CBFA2T2: variants seen among roughly 807,000 people sequenced by gnomAD.
The protein encoded by CBFA2T2 is CBFA2/RUNX1 partner transcriptional co-repressor 2.
In CBFA2T2, 11 loss-of-function variants were observed where a neutral mutation model predicts 62.2. That is an observed-to-expected ratio of 0.18 (90% CI 0.11 to 0.29). The LOEUF (loss-of-function observed/expected upper bound fraction) is 0.29. Ranked by LOEUF, CBFA2T2 falls within the 10% of genes least tolerant of loss-of-function variation. The pLI is 1.00. For missense variants in CBFA2T2, 592 were observed against 774.1 expected (o/e 0.76, Z 2.79); for synonymous variants, 295 against 287.5 (o/e 1.03, Z -0.27).
chr20:33,587,680 T>G (rs909972160), intron 1 of CBFA2T2, among the ~76,000 whole-genome samples: 7 of 152,242 alleles, frequency 4.6e-5, no homozygotes, highest in Non-Finnish European at 7.3e-5. Flanking sequence ...ATTACAGGCA[T>G]GAGCCACTGC....
intron 1 of CBFA2T2, among the ~76,000 whole-genome samples, chr20:33,490,841 C>T (rs1229279993): frequency 6.6e-6 from 1 of 152,210 alleles, no homozygotes; most frequent in South Asian, 2.1e-4. Context: ...TTCCCTCCCT[C>T]CCCCAGGGTT....
At chr20:33,575,881 C>T (rs1044336067) in intron 1 of CBFA2T2, among the ~76,000 whole-genome samples, 1 of 152,054 alleles carries the variant, frequency 6.6e-6, no homozygotes, top group Non-Finnish European at 1.5e-5. Context: ...GGGTTCACAC[C>T]ACTCTCCTGC....
At chr20:33,566,198 T>C (rs145520035) in intron 1 of CBFA2T2, among the ~76,000 whole-genome samples, 41 of 152,198 alleles carry the variant, frequency 2.7e-4, no homozygotes, top group African/African-American at 9.7e-4. Context: ...ACTAGAATTA[T>C]GTTGAGTTTC....
chr20:33,597,897 A>C (rs923748054), intron 1 of CBFA2T2, among the ~76,000 whole-genome samples: 1 of 152,158 alleles, frequency 6.6e-6, no homozygotes, highest in South Asian at 2.1e-4. Context: ...AGCATCGGCC[A>C]GCTTGAGAAA....
At chr20:33,537,460 A>G (rs549132150) in intron 1 of CBFA2T2, among the ~76,000 whole-genome samples, 1 of 152,324 alleles carries the variant, frequency 6.6e-6, no homozygotes, top group Non-Finnish European at 1.5e-5. Flanking sequence ...TCGGCTGGGC[A>G]TCAGAGGGAG....
At chr20:33,623,862 A>G (rs2016098924) in intron 5 of CBFA2T2, 1 of 717,124 alleles carries the variant, frequency 1.4e-6, no homozygotes, top group Non-Finnish European at 2.6e-6. Context: ...CCGGTAAGAA[A>G]CTCTACTCTA....
At chr20:33,502,840 C>T (rs2011314908) in intron 1 of CBFA2T2, among the ~76,000 whole-genome samples, 1 of 150,330 alleles carries the variant, frequency 6.7e-6, no homozygotes, top group Non-Finnish European at 1.5e-5. Flanking sequence ...CCTGTAATCC[C>T]AGCACTTTGG....
In CBFA2T2 at chr20:33,640,431, C is replaced by A. The variant is rs2016786474; in HGVS notation, c.1388C>A (p.Ala463Glu). The A allele has an allele frequency of 6.2e-7, 1 of 1,614,250 alleles. No individual in the cohort carries two copies. Among genetic ancestry groups the A allele is most frequent in the Non-Finnish European group, 8.5e-7 (1 of 1,180,040 alleles). Residue 463 changes from alanine (A) to glutamate (E), a missense_variant, in exon 10 of 11, where the codon GCA becomes GAA. Transcript: ENST00000342704. The stretch of plus-strand genomic sequence containing the variant: ...GAGCAGAAAGCCTTTGAAGTGATTG[C>A]AACAGAGAGAGCACGAATGGAGCAA... ...EAEQKAFEVI[A>E]TERARMEQTI...
intron 1 of CBFA2T2, among the ~76,000 whole-genome samples, chr20:33,532,294 G>A (rs1260798986): frequency 6.6e-6 from 1 of 152,174 alleles, no homozygotes; most frequent in African/African-American, 2.4e-5. Context: ...GAGCAGAAAA[G>A]TGTAATTCTG....
At chr20:33,539,982 TG>T (rs1019440427) in intron 1 of CBFA2T2, among the ~76,000 whole-genome samples, 3 of 152,154 alleles carry the variant, frequency 2.0e-5, no homozygotes, top group African/African-American at 7.2e-5. Context: ...GTTTGTTTTT[TG>T]GTCAGATTTA....
At chr20:33,546,922 C>T (rs117535639) in intron 1 of CBFA2T2, among the ~76,000 whole-genome samples, 1 of 152,238 alleles carries the variant, frequency 6.6e-6, no homozygotes, top group Non-Finnish European at 1.5e-5. Flanking sequence ...AATACTGTGC[C>T]AGGCTCAGTG....
At chr20:33,641,393 G>A (rs76338604) in intron 10 of CBFA2T2, among the ~76,000 whole-genome samples, 56 of 152,280 alleles carry the variant, frequency 3.7e-4, no homozygotes, top group African/African-American at 1.3e-3. Context: ...TATACAGGAC[G>A]CTTGAGTACT....
chr20:33,558,194 C>T (rs1380272533), intron 1 of CBFA2T2, among the ~76,000 whole-genome samples: 1 of 150,858 alleles, frequency 6.6e-6, no homozygotes, highest in African/African-American at 2.4e-5. Context: ...TGCAGTGGTG[C>T]GATCATGGCT....
intron 1 of CBFA2T2, among the ~76,000 whole-genome samples, chr20:33,539,901 TTGGC>T (rs1334959970): frequency 6.6e-6 from 1 of 152,062 alleles, no homozygotes; most frequent in African/African-American, 2.4e-5. Flanking sequence ...TCTTGCTATA[TTGGC>T]TGGGCTGGTT....
chr20:33,500,777 A>G (rs543677000), intron 1 of CBFA2T2, among the ~76,000 whole-genome samples: 2 of 152,316 alleles, frequency 1.3e-5, no homozygotes, highest in South Asian at 2.1e-4. Flanking sequence ...AAAGATAGCT[A>G]TATGAGACCT....
chr20:33,542,754 CTCCTCCTCCCAGGCTCAAGTGG>C (rs2012440161), intron 1 of CBFA2T2, among the ~76,000 whole-genome samples: 1 of 152,024 alleles, frequency 6.6e-6, no homozygotes, highest in South Asian at 2.1e-4. Flanking sequence ...TCATTGCAAC[CTCCTCCTCCCAGGCTCAAGTGG>C]TCCTCCCACC....
chr20:33,550,608 GTTATTTATTTAT>G (rs55635841), intron 1 of CBFA2T2, among the ~76,000 whole-genome samples: 2 of 150,084 alleles, frequency 1.3e-5, no homozygotes, highest in African/African-American at 4.9e-5. Flanking sequence ...TACTAATGTG[GTTATTTATTTAT>G]TTATTTATTT....
At chr20:33,602,801 G>A (rs569680165) in intron 1 of CBFA2T2, among the ~76,000 whole-genome samples, 1 of 152,214 alleles carries the variant, frequency 6.6e-6, no homozygotes, top group East Asian at 1.9e-4. Flanking sequence ...GTACTTTACA[G>A]CTTCACTTTG....
intron 5 of CBFA2T2, among the ~76,000 whole-genome samples, chr20:33,623,507 C>T (rs910941363): frequency 1.3e-5 from 2 of 152,206 alleles, no homozygotes; most frequent in African/African-American, 4.8e-5. Flanking sequence ...ATCCTCTCAC[C>T]TCAGCCTCCT....
Sources: gnomAD v4.1 joint callset for allele counts (sites outside exome capture counted in the v4.1 genomes callset) on GRCh38, gnomAD v4.1.1 for gene constraint, MANE v1.5 for transcripts, NCBI Gene and HGNC (gene_info 2026-07-23, HGNC 2026-07-21) for gene names.